WEE1: variants seen among roughly 807,000 people sequenced by gnomAD.
WEE1 encodes WEE1 G2 checkpoint kinase, also known as wee1-like protein kinase.
Under a neutral mutation model 68.8 loss-of-function variants are expected in WEE1, and 16 were observed. That is an observed-to-expected ratio of 0.23 (90% CI 0.16 to 0.35). The LOEUF (loss-of-function observed/expected upper bound fraction) is 0.35. Among genes scored for constraint, WEE1 ranks in the 10% least tolerant of loss-of-function variants. The pLI is 1.00. For synonymous variants in WEE1, 349 were observed against 318.7 expected, an observed-to-expected ratio of 1.09 and a Z score of -1.01; for missense variants, 651 against 824.1, an observed-to-expected ratio of 0.79 and a Z score of 2.57.
At chr11:9,585,218 A>T (rs759076836) in intron 6 of WEE1, 40 bp from the exon 7 acceptor site, 5 of 1,425,650 alleles carry the variant, frequency 3.5e-6, no homozygotes, top group Non-Finnish European at 4.9e-6. Context: ...CTCTGGTTTT[A>T]TTATTATTAG....
rs1849532406 is a variant in WEE1, at chr11:9,573,895, C to T, written c.-39C>T. The T allele has an allele frequency of 2.4e-6, 3 of 1,224,842 alleles. No individual in the cohort carries two copies. The East Asian group carries it at 9.8e-5, about 40-fold the overall frequency. The allele number at this position is 1,224,842 out of a possible 1,614,324, so 75.9% of individuals were successfully genotyped here. On this transcript the variant is annotated 5_prime_UTR_variant, in exon 1 of 11. Coordinates refer to ENST00000450114, the MANE Select transcript of WEE1 (RefSeq NM_003390.4). ...CCGCAGTGTCCTGGACCCCGCAGGCCTCCGCTCTCCTGTCCTCGGCCCCGT... is the reference window on the plus strand; with the variant it reads ...CCGCAGTGTCCTGGACCCCGCAGGCTTCCGCTCTCCTGTCCTCGGCCCCGT...
chr11:9,573,843 C>A lies in WEE1; in HGVS notation c.-91C>A. 1 of 1,100,094 alleles carries A rather than the reference C, an allele frequency of 9.1e-7. No homozygotes were observed. Among genetic ancestry groups the A allele is most frequent in the Non-Finnish European group, 1.1e-6 (1 of 881,226 alleles). 68.1% of individuals were successfully genotyped at this position (1,100,094 alleles called of 1,614,324 possible). A position where few individuals can be genotyped will look rare whatever the true frequency, so the allele number is the denominator to read the frequency against. On this transcript the variant is annotated 5_prime_UTR_variant, in exon 1 of 11. Transcript: ENST00000450114. ...CGCGGCTGCGACTAGGCGCGCCCAG[C>A]CGCACGTGGCGGACCCGCCCCCAGG...
intron 6 of WEE1, among the ~76,000 whole-genome samples, chr11:9,583,757 G>A (rs61876832): frequency 1.8e-3 from 21 of 11,564 alleles, no homozygotes; most frequent in South Asian, 9.2e-3. Context: ...GCGTGCACGC[G>A]CGCGCACACA....
chr11:9,579,759 C>T (rs1203460367), intron 5 of WEE1: 2 of 152,172 alleles, frequency 1.3e-5, no homozygotes, highest in Non-Finnish European at 2.9e-5. Flanking sequence ...TTTCCCCTCC[C>T]TCAGTTCAAG....
intron 5 of WEE1, chr11:9,577,880 A>G (rs550058463): frequency 8.8e-6 from 4 of 456,282 alleles, no homozygotes; most frequent in Non-Finnish European, 1.8e-5. Flanking sequence ...GATGTCTTGT[A>G]TAGCTTTCAG....
chr11:9,588,833 A>T lies in WEE1; in HGVS notation c.*231A>T. On this transcript the variant is annotated 3_prime_UTR_variant, in exon 11 of 11. Transcript: ENST00000450114. ...AGGATGTGTCACTGTTGGATGTTAC[A>T]CCAGCCTTTCCAGGGTTAACCACTG... 1 of 1,115,056 alleles carries T rather than the reference A, an allele frequency of 9.0e-7. No individual in the cohort carries two copies. The highest frequency in any genetic ancestry group is 1.1e-6 in the Non-Finnish European group (1 of 911,122). The allele number at this position is 1,115,056 out of a possible 1,614,324, so 69.1% of individuals were successfully genotyped here.
At position 9,574,306 on chromosome 11, in the gene WEE1, G is replaced by A; in HGVS notation, c.373G>A (p.Val125Ile). Residue 125 changes from valine (V) to isoleucine (I), a missense_variant, in exon 1 of 11, where the codon GTC becomes ATC. This residue lies in a region of WEE1 where 395 missense variants were observed against 378.4 expected (regional missense o/e 1.04). Transcript: ENST00000450114. This position sits in a 1 kb window ranked among gnomAD's most constrained non-coding sequence, Gnocchi z 4.9. ...GGAGGGCTTCGGCTCCTCGTCGCCG[G>A]TCAAGTCGCCGGCGGCCCCCTACTT... is the stretch of plus-strand genomic sequence containing the variant. ...EEEGFGSSSP[V>I]KSPAAPYFLG... 3.9e-6 allele frequency: 5 copies of A among 1,268,116 alleles called. No homozygotes were observed. The highest frequency in any genetic ancestry group is 5.0e-6 in the Non-Finnish European group (5 of 1,005,736). 78.6% of individuals were successfully genotyped at this position (1,268,116 alleles called of 1,614,324 possible).
In WEE1 at chr11:9,574,109, A is replaced by T; in HGVS notation, c.176A>T (p.Asp59Val). 8.2e-7 allele frequency: 1 copy of T among 1,212,886 alleles called. No individual in the cohort carries two copies. Among genetic ancestry groups the T allele is most frequent in the Non-Finnish European group, 1.0e-6 (1 of 977,336 alleles). 75.1% of individuals were successfully genotyped at this position (1,212,886 alleles called of 1,614,324 possible). The change falls in exon 1 of 11, where the codon GAC becomes GTC. Residue 59 changes from aspartate to valine, a missense_variant. Transcript: ENST00000450114. The surrounding 1 kb of genome is among the most constrained non-coding windows in gnomAD (Gnocchi z 4.9). ...TGEDSAFQEP[D>V]SPLPPARSPT... ...GAGGACTCGGCCTTTCAAGAGCCCG[A>T]CTCGCCGCTGCCGCCCGCGCGGAGC...
intron 8 of WEE1, 32 bp downstream of exon 8, chr11:9,585,559 C>T (rs953871056): frequency 2.0e-6 from 3 of 1,488,036 alleles, no homozygotes; most frequent in East Asian, 4.6e-5. Context: ...TCATAGTTTG[C>T]TTTGTAACAC....
chr11:9,583,612 CA>C (rs74575068), intron 6 of WEE1, among the ~76,000 whole-genome samples: 56,774 of 80,272 alleles, frequency 0.71, 17,847 homozygotes, highest in Admixed American at 0.73. Context: ...GAGACTGTCT[CA>C]AAAAAAAAAA....
In WEE1 at chr11:9,574,338, T is replaced by A; in HGVS notation, c.405T>A (p.Gly135=). 7.9e-7 allele frequency: 1 copy of A among 1,267,582 alleles called. No individual in the cohort carries two copies. The highest frequency in any genetic ancestry group is 9.9e-7 in the Non-Finnish European group (1 of 1,005,924). The allele number at this position is 1,267,582 out of a possible 1,614,324, so 78.5% of individuals were successfully genotyped here. A position where few individuals can be genotyped will look rare whatever the true frequency, so the allele number is the denominator to read the frequency against. ...VKSPAAPYFL[G]SSFSPVRCGG... is the part of the protein sequence containing the mutation. ...CGCCGGCGGCCCCCTACTTCCTGGG[T>A]AGCTCTTTCTCGCCGGTGCGCTGCG... is the stretch of plus-strand genomic sequence containing the variant. The change falls in exon 1 of 11, where the codon GGT becomes GGA. Residue 135 remains glycine (G), a synonymous_variant. Transcript: ENST00000450114. This position sits in a 1 kb window ranked among gnomAD's most constrained non-coding sequence, Gnocchi z 4.9.
intron 10 of WEE1, among the ~76,000 whole-genome samples, chr11:9,587,662 A>T (rs745967360): frequency 6.6e-6 from 1 of 152,222 alleles, no homozygotes. Context: ...GCTGGTTGCA[A>T]TGGTAAAGGT....
rs745616071 is a variant in WEE1 at position 9,586,589 on chromosome 11, G to A, written c.1611G>A (p.Val537=). The part of the protein sequence containing the change: ...RQGRLPRIPQ[V]LSQEFTELLK... The stretch of plus-strand genomic sequence containing the variant: ...GTAGATTACCTCGGATACCACAAGT[G>A]CTTTCCCAAGAATTTACAGAGTTGC... The change falls in exon 9 of 11, where the codon GTG becomes GTA. Residue 537 remains valine, a synonymous_variant. Transcript: ENST00000450114. 1 of 1,614,092 alleles carries A rather than the reference G, an allele frequency of 6.2e-7. No homozygotes were observed. The highest frequency in any genetic ancestry group is 8.5e-7 in the Non-Finnish European group (1 of 1,180,024).
chr11:9,574,026 C>T lies in WEE1; in HGVS notation c.93C>T (p.Ser31=). 1 of 1,274,664 alleles carries T rather than the reference C, an allele frequency of 7.8e-7. No homozygotes were observed. 79.0% of individuals were successfully genotyped at this position (1,274,664 alleles called of 1,614,324 possible). A position where few individuals can be genotyped will look rare whatever the true frequency, so the allele number is the denominator to read the frequency against. ...LRQKLIFSPC[S]DCEEEEEEEE... ...AGAAGCTGATCTTCTCGCCCTGCAG[C>T]GACTGTGAGGAGGAGGAAGAAGAGG... Residue 31 remains serine (S), a synonymous_variant, in exon 1 of 11, where the codon AGC becomes AGT. Transcript: ENST00000450114. The surrounding 1 kb of genome is among the most constrained non-coding windows in gnomAD (Gnocchi z 4.9).
At position 9,576,367 on chromosome 11, in the gene WEE1, T is replaced by C. The variant is rs1264166557; in HGVS notation, c.846+74T>C. 17 of 1,540,902 alleles carry C rather than the reference T, an allele frequency of 1.1e-5. No individual in the cohort carries two copies. The highest frequency in any genetic ancestry group is 1.5e-5 in the Non-Finnish European group (17 of 1,140,044). On this transcript the variant is annotated intron_variant, in intron 3 of 10. Transcript: ENST00000450114. The surrounding 1 kb of genome is among the most constrained non-coding windows in gnomAD (Gnocchi z 4.3). ...TTAAAGCATGCTATGAATATGTTAA[T>C]AAGCATTAACACATAAGGTAGAATG...
At chr11:9,580,012 GT>G (rs1849607154) in intron 5 of WEE1, 2 of 152,122 alleles carry the variant, frequency 1.3e-5, no homozygotes, top group South Asian at 4.1e-4. Context: ...AACTTTAAAA[GT>G]TTGAAAAAAT....
intron 6 of WEE1, among the ~76,000 whole-genome samples, chr11:9,583,176 A>G (rs992835543): frequency 2.6e-5 from 4 of 151,832 alleles, no homozygotes; most frequent in Admixed American, 2.0e-4. Flanking sequence ...AGCCAGGTGT[A>G]GTGGTGCGCA....
intron 5 of WEE1, 92 bp downstream of exon 5, chr11:9,577,355 C>T: frequency 7.0e-7 from 1 of 1,432,454 alleles, no homozygotes; most frequent in Non-Finnish European, 9.4e-7. Context: ...ATTTCTGTCA[C>T]TTTTATCTTT....
At chr11:9,578,369 T>C (rs1234699553) in intron 5 of WEE1, 1 of 155,194 alleles carries the variant, frequency 6.4e-6, no homozygotes, top group African/African-American at 2.4e-5. Context: ...GATCCATTTT[T>C]CAAACCTGAT....
Sources: allele counts gnomAD v4.1 joint callset (sites outside exome capture counted in the v4.1 genomes callset), GRCh38; gene constraint gnomAD v4.1.1; regional missense constraint gnomAD v4.1.1; non-coding constraint Gnocchi (gnomAD v3.1); transcripts MANE v1.5; gene names NCBI Gene and HGNC (gene_info 2026-07-23, HGNC 2026-07-21).